The following AAK1 variants were observed in gnomAD, a reference collection of about 807,000 sequenced individuals.
AAK1 encodes AP2 associated kinase 1.
In AAK1, 37 loss-of-function variants were observed where a neutral mutation model predicts 116.0. The observed-to-expected ratio is 0.32, with a 90% CI of 0.25 to 0.42. The LOEUF (loss-of-function observed/expected upper bound fraction) is 0.42. Among genes scored for constraint, AAK1 ranks in the 10% least tolerant of loss-of-function variants. The pLI, the probability that AAK1 is intolerant of heterozygous loss-of-function variation, is 1.00. For synonymous variants in AAK1, 458 were observed against 439.9 expected (o/e 1.04, Z -0.51); for missense variants, 919 against 1,170.6 (o/e 0.79, Z 3.14).
At chr2:69,574,018 A>G (rs1363556430) in intron 2 of AAK1, among the ~76,000 whole-genome samples, 1 of 151,640 alleles carries the variant, frequency 6.6e-6, no homozygotes, top group Non-Finnish European at 1.5e-5. Flanking sequence ...AAATAAAAAT[A>G]AAGTCAAGAC....
rs1674554777 is a variant in AAK1 at position 69,468,301 on chromosome 2, A to G, written c.*7568T>C. On this transcript the variant is annotated 3_prime_UTR_variant, in exon 22 of 22. Transcript: ENST00000409085. ...TTAGATTTGTCTCAGTGATACCAAGATGATAATTTCTGGGAGGAAATTCAA... is the reference window on the plus strand; with the variant it reads ...TTAGATTTGTCTCAGTGATACCAAGGTGATAATTTCTGGGAGGAAATTCAA... The G allele has an allele frequency of 1.0e-6, 1 of 985,276 alleles. No homozygotes were observed. Among genetic ancestry groups the G allele is most frequent in the African/African-American group, 1.7e-5 (1 of 57,230 alleles). The allele number at this position is 985,276 out of a possible 1,614,324, so 61.0% of individuals were successfully genotyped here. A position where few individuals can be genotyped will look rare whatever the true frequency, so the allele number is the denominator to read the frequency against.
At position 69,505,584 on chromosome 2, in the gene AAK1, A is replaced by G. The variant is rs563019669; in HGVS notation, c.2254T>C (p.Phe752Leu). Residue 752 changes from phenylalanine (F) to leucine (L), a missense_variant, in exon 16 of 22, where the codon TTT (phenylalanine) becomes CTT (leucine). Phe to Leu is a conservative substitution (Grantham distance 22). This residue lies in a region of AAK1 where 263 missense variants were observed against 285.5 expected (regional missense o/e 0.92). Transcript: ENST00000409085. ...TQGDAFATTS[F>L]SAGTAEKRKG... ...CCATACTAACCAGTTCCAGCAGAAAATGAGGTCGTAGCAAAAGCATCACCT... is the reference window on the plus strand; with the variant it reads ...CCATACTAACCAGTTCCAGCAGAAAGTGAGGTCGTAGCAAAAGCATCACCT... The G allele has an allele frequency of 1.2e-6, 2 of 1,613,688 alleles. No individual in the cohort carries two copies. Among genetic ancestry groups the G allele is most frequent in the African/African-American group, 2.7e-5 (2 of 75,000 alleles).
At chr2:69,556,414 C>A (rs1238460280) in intron 3 of AAK1, among the ~76,000 whole-genome samples, 1 of 152,076 alleles carries the variant, frequency 6.6e-6, no homozygotes, top group African/African-American at 2.4e-5. Flanking sequence ...GAAAGAACTA[C>A]ATGTAAAAAT....
intron 2 of AAK1, among the ~76,000 whole-genome samples, chr2:69,611,176 A>T (rs56049149): frequency 0.11 from 17,470 of 152,172 alleles, 2,259 homozygotes; most frequent in African/African-American, 0.3. Flanking sequence ...CCCACCCTCA[A>T]TGTGGGTGGG....
chr2:69,497,819 A>ATGTC (rs1675808774), intron 16 of AAK1, among the ~76,000 whole-genome samples: 1 of 152,018 alleles, frequency 6.6e-6, no homozygotes, highest in Non-Finnish European at 1.5e-5. Context: ...CCCAGTGGTG[A>ATGTC]TGTCTTATAT....
chr2:69,614,104 T>A (rs1216795312), intron 2 of AAK1, among the ~76,000 whole-genome samples: 2 of 152,156 alleles, frequency 1.3e-5, no homozygotes, highest in African/African-American at 4.8e-5. Context: ...GAGGAAATGG[T>A]TTTCCTTTTG....
chr2:69,489,395 A>G (rs150019791), intron 17 of AAK1, among the ~76,000 whole-genome samples: 3,696 of 151,154 alleles, frequency 0.024, 123 homozygotes, highest in African/African-American at 0.069. Flanking sequence ...AGGTTGCAGC[A>G]AGCTGAGATC....
chr2:69,461,385 T>G lies in AAK1; in HGVS notation c.*14484A>C, dbSNP rs1437814763. On this transcript the variant is annotated 3_prime_UTR_variant, in exon 22 of 22. Transcript: ENST00000409085. ...CCCTCATCATTAAGTGGGGCATGAC[T>G]GTATTTTTTTTTCTCTTTAAGGAAA... 1.3e-5 allele frequency: 3 copies of G among 236,026 alleles called. No homozygotes were observed. The highest frequency in any genetic ancestry group is 8.1e-5 in the South Asian group (2 of 24,840). 14.6% of individuals were successfully genotyped at this position (236,026 alleles called of 1,614,324 possible).
Position 69,514,454 on chromosome 2 carries a change from C to G in AAK1, c.1776+17G>C. 1 of 1,523,860 alleles carries G rather than the reference C, an allele frequency of 6.6e-7. No homozygotes were observed. Among genetic ancestry groups the G allele is most frequent in the South Asian group, 1.3e-5 (1 of 79,438 alleles). 94.4% of individuals were successfully genotyped at this position (1,523,860 alleles called of 1,614,324 possible). A position where few individuals can be genotyped will look rare whatever the true frequency, so the allele number is the denominator to read the frequency against. On this transcript the variant is annotated intron_variant, in intron 13 of 21. Transcript: ENST00000409085. ...TCCTCTGCTGCTTTTGTGCTCTGAG[C>G]TCTGGTTGATTCTTACCGCTGGCTC...
chr2:69,527,736 C>T (rs1670082461), intron 8 of AAK1, among the ~76,000 whole-genome samples: 1 of 152,142 alleles, frequency 6.6e-6, no homozygotes, highest in Admixed American at 6.6e-5. Context: ...CATGAATTTA[C>T]TTATTATTCT....
chr2:69,526,974 C>T (rs541716369), intron 9 of AAK1, among the ~76,000 whole-genome samples: 11 of 152,270 alleles, frequency 7.2e-5, no homozygotes, highest in Non-Finnish European at 7.4e-5. Flanking sequence ...TCATCCAAAG[C>T]GTCCAACTCA....
intron 17 of AAK1, among the ~76,000 whole-genome samples, chr2:69,494,322 G>A (rs534916805): frequency 2.0e-5 from 3 of 152,294 alleles, no homozygotes; most frequent in South Asian, 2.1e-4. Flanking sequence ...GGCCCCAGAC[G>A]CATTTCCACA....
At chr2:69,633,101 G>C (rs936738880) in intron 2 of AAK1, among the ~76,000 whole-genome samples, 1 of 150,216 alleles carries the variant, frequency 6.7e-6, no homozygotes, top group African/African-American at 2.5e-5. Flanking sequence ...GGCACCTGTA[G>C]TCCCAGCTAC....
intron 9 of AAK1, 135 bp downstream of exon 9, chr2:69,527,081 T>C (rs927910476): frequency 1.6e-6 from 1 of 632,668 alleles, no homozygotes; most frequent in African/African-American, 1.8e-5. Flanking sequence ...TGCTTCACAG[T>C]TAGCTTTGCT....
chr2:69,483,250 G>T (rs960697353), intron 17 of AAK1, among the ~76,000 whole-genome samples: 3 of 152,072 alleles, frequency 2.0e-5, no homozygotes, highest in African/African-American at 7.2e-5. Flanking sequence ...ACAGACCCTG[G>T]TAACAACAGA....
At chr2:69,594,158 G>C (rs1231215404) in intron 2 of AAK1, among the ~76,000 whole-genome samples, 1 of 152,180 alleles carries the variant, frequency 6.6e-6, no homozygotes, top group Non-Finnish European at 1.5e-5. Flanking sequence ...GGGGAGGGGA[G>C]GTAGTGGTAT....
chr2:69,535,162 T>C (rs775904305), intron 5 of AAK1, among the ~76,000 whole-genome samples: 15 of 152,244 alleles, frequency 9.9e-5, no homozygotes, highest in African/African-American at 3.4e-4. Flanking sequence ...AATCAGTTTC[T>C]ACACTTCTAA....
intron 3 of AAK1, among the ~76,000 whole-genome samples, chr2:69,552,903 A>C (rs1017530315): frequency 6.6e-6 from 1 of 152,118 alleles, no homozygotes; most frequent in Non-Finnish European, 1.5e-5. Flanking sequence ...AACAAAAAAG[A>C]TCTTAGAGAT....
chr2:69,527,080 G>C lies in AAK1; in HGVS notation c.975+136C>G, dbSNP rs1023803041. The C allele has an allele frequency of 2.5e-5, 16 of 632,512 alleles. No individual in the cohort carries two copies. The East Asian group carries it at 3.0e-4, about 12-fold the overall frequency. 39.2% of individuals were successfully genotyped at this position (632,512 alleles called of 1,614,324 possible). On this transcript the variant is annotated intron_variant, in intron 9 of 21. Coordinates refer to ENST00000409085, the MANE Select transcript of AAK1 (RefSeq NM_014911.5). ...TTCCCTTTATGGCAACTGCTTCACA[G>C]TTAGCTTTGCTTGACTACCCCCAGT...
Sources: allele counts gnomAD v4.1 joint callset (sites outside exome capture counted in the v4.1 genomes callset), GRCh38; gene constraint gnomAD v4.1.1; regional missense constraint gnomAD v4.1.1; transcripts MANE v1.5; gene names NCBI Gene and HGNC (gene_info 2026-07-23, HGNC 2026-07-21).